Variants in AKR1B1 observed in about 807,000 individuals in gnomAD.
The protein encoded by AKR1B1 is aldo-keto reductase family 1 member B1.
In AKR1B1, 22 loss-of-function variants were observed where a neutral mutation model predicts 40.4. That is an observed-to-expected ratio of 0.54 (90% CI 0.39 to 0.78). The LOEUF is 0.78. AKR1B1 is among the 30% of genes least tolerant of loss of function. The pLI is 0.00. For missense variants in AKR1B1, 357 were observed against 396.7 expected, an observed-to-expected ratio of 0.90 and a Z score of 0.85; for synonymous variants, 157 against 149.9, an observed-to-expected ratio of 1.05 and a Z score of -0.35.
intron 9 of AKR1B1, among the ~76,000 whole-genome samples, chr7:134,443,775 AG>A (rs1806013517): frequency 6.6e-6 from 1 of 152,076 alleles, no homozygotes; most frequent in Admixed American, 6.5e-5. Flanking sequence ...CTTATTCAAA[AG>A]TTCTCCATGG....
In AKR1B1 at chr7:134,442,367, C is replaced by CT. The variant is rs907763391; in HGVS notation, c.*360dup. ...TCACAAAACCAAGCTCACAAAAGCA[C>CT]TTTTTATTTGAGGCAAAGAGAAGTC... On this transcript the variant is annotated 3_prime_UTR_variant, in exon 10 of 10. Coordinates refer to ENST00000285930, the MANE Select transcript of AKR1B1 (RefSeq NM_001628.4). The CT allele has an allele frequency of 1.9e-5, 4 of 209,630 alleles. No individual in the cohort carries two copies. Among genetic ancestry groups the CT allele is most frequent in the African/African-American group, 9.2e-5 (4 of 43,328 alleles). The allele number at this position is 209,630 out of a possible 1,614,324, so 13.0% of individuals were successfully genotyped here.
At chr7:134,451,840 AC>A in intron 1 of AKR1B1, 87 bp from the exon 2 acceptor site, 1 of 1,420,310 alleles carries the variant, frequency 7.0e-7, no homozygotes, top group Non-Finnish European at 9.7e-7. Context: ...ATACCTGCTG[AC>A]CAGCCTGCCA....
chr7:134,458,566 C>A (rs1031505884), intron 1 of AKR1B1, among the ~76,000 whole-genome samples: 3 of 152,226 alleles, frequency 2.0e-5, no homozygotes, highest in African/African-American at 7.2e-5. Context: ...GAGGCTGGGT[C>A]TGCGCTCCCA....
rs957131489 is a variant in AKR1B1 at position 134,442,633 on chromosome 7, G to T, written c.*95C>A. 7.6e-6 allele frequency: 10 copies of T among 1,308,674 alleles called. No homozygotes were observed. The highest frequency in any genetic ancestry group is 1.1e-5 in the Non-Finnish European group (10 of 913,284). 81.1% of individuals were successfully genotyped at this position (1,308,674 alleles called of 1,614,324 possible). A position where few individuals can be genotyped will look rare whatever the true frequency, so the allele number is the denominator to read the frequency against. On this transcript the variant is annotated 3_prime_UTR_variant, in exon 10 of 10. Transcript: ENST00000285930. ...CCACTCTACAGGTTGCTGTCCCACTGCTGAGTGACACAGGCCATACTACAT... is the reference window on the plus strand; with the variant it reads ...CCACTCTACAGGTTGCTGTCCCACTTCTGAGTGACACAGGCCATACTACAT...
intron 7 of AKR1B1, 64 bp downstream of exon 7, chr7:134,447,916 G>T: frequency 2.1e-6 from 3 of 1,410,618 alleles, no homozygotes; most frequent in Non-Finnish European, 3.0e-6. Context: ...CCTCCTCTTG[G>T]CTAACAGGAC....
chr7:134,453,939 T>A (rs1385952595), intron 1 of AKR1B1, among the ~76,000 whole-genome samples: 1 of 152,128 alleles, frequency 6.6e-6, no homozygotes, highest in Non-Finnish European at 1.5e-5. Flanking sequence ...AACTTGGGAA[T>A]GCCAACACAG....
chr7:134,452,089 G>C (rs1277665597), intron 1 of AKR1B1, among the ~76,000 whole-genome samples: 1 of 152,162 alleles, frequency 6.6e-6, no homozygotes, highest in Non-Finnish European at 1.5e-5. Context: ...CCCACACTCT[G>C]AATGCTGAGA....
chr7:134,442,385 G>C lies in AKR1B1; in HGVS notation c.*343C>G. Reference sequence around the variant, plus strand: ...AAAAGCACTTTTTATTTGAGGCAAAGAGAAGTCTTGCTGAAAGGATTCCAG... The same window carrying C: ...AAAAGCACTTTTTATTTGAGGCAAACAGAAGTCTTGCTGAAAGGATTCCAG... On this transcript the variant is annotated 3_prime_UTR_variant, in exon 10 of 10. Transcript: ENST00000285930. 1 of 228,140 alleles carries C rather than the reference G, an allele frequency of 4.4e-6. No homozygotes were observed. The highest frequency in any genetic ancestry group is 8.7e-6 in the Non-Finnish European group (1 of 115,124). 14.1% of individuals were successfully genotyped at this position (228,140 alleles called of 1,614,324 possible).
intron 8 of AKR1B1, among the ~76,000 whole-genome samples, chr7:134,446,608 A>G (rs1350867501): frequency 6.9e-6 from 1 of 144,448 alleles, no homozygotes; most frequent in African/African-American, 2.5e-5. Flanking sequence ...CACCCCCGCC[A>G]CCAATGCTGC....
At chr7:134,455,070 C>G (rs1339907114) in intron 1 of AKR1B1, among the ~76,000 whole-genome samples, 2 of 152,326 alleles carry the variant, frequency 1.3e-5, no homozygotes, top group East Asian at 1.9e-4. Flanking sequence ...ACCCTCACCC[C>G]ATCCAAGGAT....
intron 7 of AKR1B1, 71 bp from the exon 8 acceptor site, chr7:134,447,452 A>G: frequency 7.6e-7 from 1 of 1,309,688 alleles, no homozygotes; most frequent in South Asian, 1.2e-5. Context: ...AGTCTCTCAC[A>G]CACACAACCT....
At chr7:134,452,026 T>C (rs1252577738) in intron 1 of AKR1B1, among the ~76,000 whole-genome samples, 2 of 152,242 alleles carry the variant, frequency 1.3e-5, no homozygotes, top group Admixed American at 6.5e-5. Flanking sequence ...CCATCTCATT[T>C]TCTTGCTTCT....
At chr7:134,451,463 C>G (rs1033692462) in intron 2 of AKR1B1, 123 bp downstream of exon 2, 1 of 1,249,864 alleles carries the variant, frequency 8.0e-7, no homozygotes, top group Non-Finnish European at 1.2e-6. Context: ...TGATACGTTT[C>G]CCCGGGAAGA....
intron 1 of AKR1B1, among the ~76,000 whole-genome samples, chr7:134,456,372 T>C (rs1301920458): frequency 6.6e-6 from 1 of 152,062 alleles, no homozygotes; most frequent in Admixed American, 6.6e-5. Flanking sequence ...GCTAATTTTT[T>C]GTATTTTTAG....
At chr7:134,457,044 A>G (rs1036490547) in intron 1 of AKR1B1, among the ~76,000 whole-genome samples, 1 of 151,996 alleles carries the variant, frequency 6.6e-6, no homozygotes, top group African/African-American at 2.4e-5. Context: ...AGGCTGAGGT[A>G]TGAGGACCAC....
At chr7:134,455,120 A>T (rs1284490474) in intron 1 of AKR1B1, among the ~76,000 whole-genome samples, 4 of 152,160 alleles carry the variant, frequency 2.6e-5, no homozygotes, top group Non-Finnish European at 5.9e-5. Flanking sequence ...GGGAAGGTGG[A>T]GCAAGTCTTT....
upstream of AKR1B1, chr7:134,459,213 C>G: frequency 1.1e-6 from 1 of 911,414 alleles, no homozygotes; most frequent in Non-Finnish European, 1.7e-6. Flanking sequence ...GCTGGGGGTG[C>G]CGCGGCGGCC....
At chr7:134,444,294 T>G (rs574492399) in intron 9 of AKR1B1, among the ~76,000 whole-genome samples, 2 of 152,380 alleles carry the variant, frequency 1.3e-5, no homozygotes, top group Non-Finnish European at 2.9e-5. Flanking sequence ...GGCCACAGTG[T>G]GGCAGCAGCA....
rs552623720 is a variant in AKR1B1, at chr7:134,449,312, C to T, written c.430-193G>A. ...AGATAAGAAGAGCAAACAGGCCGGGCGCGGTGGCTCACGCCTGTAATCCCA... is the reference window on the plus strand; with the variant it reads ...AGATAAGAAGAGCAAACAGGCCGGGTGCGGTGGCTCACGCCTGTAATCCCA... On this transcript the variant is annotated intron_variant, in intron 4 of 9. Transcript: ENST00000285930. The T allele has an allele frequency of 1.8e-4, 138 of 763,554 alleles. 1 individual carries two copies. Among genetic ancestry groups the T allele is most frequent in the Middle Eastern group, 3.7e-4 (1 of 2,726 alleles). 47.3% of individuals were successfully genotyped at this position (763,554 alleles called of 1,614,324 possible).
Sources: allele counts gnomAD v4.1 joint callset (sites outside exome capture counted in the v4.1 genomes callset), GRCh38; gene constraint gnomAD v4.1.1; transcripts MANE v1.5; gene names NCBI Gene and HGNC (gene_info 2026-07-23, HGNC 2026-07-21).